The following GRM5 variants were observed in gnomAD, a reference collection of about 807,000 sequenced individuals.
GRM5 encodes the protein metabotropic glutamate receptor 5.
In GRM5, 19 loss-of-function variants were observed where a neutral mutation model predicts 83.1. The observed-to-expected ratio is 0.23, with a 90% CI of 0.16 to 0.34. GRM5 has a LOEUF of 0.34. Ranked by LOEUF, GRM5 falls within the 10% of genes least tolerant of loss-of-function variation. The pLI is 1.00. For missense variants in GRM5, 1,160 were observed against 1,588.3 expected, an observed-to-expected ratio of 0.73 and a Z score of 4.58; for synonymous variants, 675 against 633.6, an observed-to-expected ratio of 1.07 and a Z score of -0.98.
intron 3 of GRM5, among the ~76,000 whole-genome samples, chr11:88,746,149 C>T (rs1294565282): frequency 1.3e-5 from 2 of 152,126 alleles, no homozygotes. Flanking sequence ...CTCTGCTCCT[C>T]CTTGACCTCT....
chr11:88,863,336 A>T (rs1231463087), intron 2 of GRM5, among the ~76,000 whole-genome samples: 1 of 152,152 alleles, frequency 6.6e-6, no homozygotes, highest in African/African-American at 2.4e-5. Context: ...CACTATTCAC[A>T]ATAGTAAAGA....
intron 2 of GRM5, among the ~76,000 whole-genome samples, chr11:88,934,618 A>C (rs187507491): frequency 1.8e-4 from 28 of 152,034 alleles, no homozygotes; most frequent in Admixed American, 1.5e-3. Context: ...AATTTCAGAA[A>C]GATAACATCC....
At chr11:88,593,130 T>G (rs940703007) in intron 6 of GRM5, among the ~76,000 whole-genome samples, 2 of 152,196 alleles carry the variant, frequency 1.3e-5, no homozygotes, top group African/African-American at 4.8e-5. Context: ...AGCGGTGCTT[T>G]CTTTATGAAT....
chr11:88,683,354 C>T (rs7944583), intron 3 of GRM5, among the ~76,000 whole-genome samples: 18,555 of 152,218 alleles, frequency 0.12, 2,456 homozygotes, highest in African/African-American at 0.33. Flanking sequence ...CTGTCACCAG[C>T]GAAAACACTG....
chr11:88,507,948 C>T lies in GRM5; in HGVS notation c.*644G>A, dbSNP rs1011565155. 1 of 152,492 alleles carries T rather than the reference C, an allele frequency of 6.6e-6. No individual in the cohort carries two copies. 9.4% of individuals were successfully genotyped at this position (152,492 alleles called of 1,614,324 possible). A position where few individuals can be genotyped will look rare whatever the true frequency, so the allele number is the denominator to read the frequency against. On this transcript the variant is annotated 3_prime_UTR_variant, in exon 10 of 10. Transcript: ENST00000305447. Reference sequence around the variant, plus strand: ...TCACAACCCAATTGGAGAGGAAAATCTCTGGTAGAAGCCCTACGTAGTACA... The same window carrying T: ...TCACAACCCAATTGGAGAGGAAAATTTCTGGTAGAAGCCCTACGTAGTACA...
intron 2 of GRM5, among the ~76,000 whole-genome samples, chr11:88,993,787 T>C (rs1678112179): frequency 6.6e-6 from 1 of 152,170 alleles, no homozygotes; most frequent in Non-Finnish European, 1.5e-5. Context: ...AGTGATGTAA[T>C]CATGGCTCGC....
At chr11:88,798,448 A>T (rs183831237) in intron 3 of GRM5, among the ~76,000 whole-genome samples, 193 of 152,242 alleles carry the variant, frequency 1.3e-3, no homozygotes, top group Non-Finnish European at 2.3e-3. Flanking sequence ...AATAAATGGG[A>T]CTTTATAATA....
chr11:88,713,985 T>C (rs1241812928), intron 3 of GRM5, among the ~76,000 whole-genome samples: 1 of 152,028 alleles, frequency 6.6e-6, no homozygotes, highest in East Asian at 1.9e-4. Context: ...ATTTTAAGAT[T>C]TATGAATCTT....
At chr11:88,859,342 C>CT (rs1278638965) in intron 2 of GRM5, among the ~76,000 whole-genome samples, 3 of 152,008 alleles carry the variant, frequency 2.0e-5, no homozygotes, top group African/African-American at 7.2e-5. Flanking sequence ...AGGTAAAGTA[C>CT]TTAGCCCAGA....
At chr11:88,829,504 G>T (rs1355289253) in intron 3 of GRM5, among the ~76,000 whole-genome samples, 1 of 151,808 alleles carries the variant, frequency 6.6e-6, no homozygotes. Flanking sequence ...TGCTACAAAA[G>T]AAAGATAAAT....
chr11:88,679,847 T>C (rs1317467780), intron 3 of GRM5, among the ~76,000 whole-genome samples: 1 of 152,172 alleles, frequency 6.6e-6, no homozygotes, highest in Non-Finnish European at 1.5e-5. Context: ...CGATTTTAAA[T>C]AAGGCACCAT....
intron 1 of GRM5, among the ~76,000 whole-genome samples, chr11:89,063,824 G>A (rs890355885): frequency 3.9e-5 from 6 of 152,176 alleles, no homozygotes; most frequent in Non-Finnish European, 7.3e-5. Context: ...AGACTCCTGG[G>A]TGAATCTGGA....
intron 2 of GRM5, among the ~76,000 whole-genome samples, chr11:88,914,701 A>C (rs993851332): frequency 6.6e-6 from 1 of 152,166 alleles, no homozygotes; most frequent in Non-Finnish European, 1.5e-5. Context: ...GCTTACTACA[A>C]ACAATTTGTG....
chr11:88,659,683 T>C (rs1939854559), intron 3 of GRM5, among the ~76,000 whole-genome samples: 2 of 152,280 alleles, frequency 1.3e-5, no homozygotes, highest in Non-Finnish European at 2.9e-5. Flanking sequence ...TAACAACCAA[T>C]AGGCAGAATA....
chr11:88,839,827 T>C (rs1944163862), intron 3 of GRM5, among the ~76,000 whole-genome samples: 1 of 152,220 alleles, frequency 6.6e-6, no homozygotes, highest in African/African-American at 2.4e-5. Context: ...ACATAATCAG[T>C]TGATTAACAC....
chr11:88,590,348 G>A (rs1289274749), intron 7 of GRM5, among the ~76,000 whole-genome samples: 2 of 152,162 alleles, frequency 1.3e-5, no homozygotes, highest in Non-Finnish European at 2.9e-5. Flanking sequence ...CATGAGGGAA[G>A]AATGCCCAGT....
chr11:88,618,157 A>AGG (rs1201697155), intron 4 of GRM5, among the ~76,000 whole-genome samples: 1 of 152,236 alleles, frequency 6.6e-6, no homozygotes, highest in Non-Finnish European at 1.5e-5. Context: ...CAGCCTAAGA[A>AGG]GGTAAGTGGG....
chr11:88,865,055 A>G (rs1002346833), intron 2 of GRM5, among the ~76,000 whole-genome samples: 1 of 152,092 alleles, frequency 6.6e-6, no homozygotes, highest in Non-Finnish European at 1.5e-5. Context: ...CAAACAAATA[A>G]GAGAGGACAC....
chr11:88,905,534 G>T (rs1354380215), intron 2 of GRM5, among the ~76,000 whole-genome samples: 2 of 152,104 alleles, frequency 1.3e-5, no homozygotes, highest in Non-Finnish European at 2.9e-5. Flanking sequence ...TAGAGACGGG[G>T]TTTCGCCAGG....
Sources: allele counts gnomAD v4.1 joint callset (sites outside exome capture counted in the v4.1 genomes callset), GRCh38; gene constraint gnomAD v4.1.1; transcripts MANE v1.5; gene names NCBI Gene and HGNC (gene_info 2026-07-23, HGNC 2026-07-21).